Variants in TGFBR3 observed in about 807,000 individuals in gnomAD.
TGFBR3 encodes the protein transforming growth factor beta receptor 3.
TGFBR3 carries 46 observed loss-of-function variants against 87.9 expected under a neutral mutation model. The ratio of observed to expected loss-of-function variants is 0.52; its 90% CI spans 0.41 to 0.67. The LOEUF (loss-of-function observed/expected upper bound fraction) is 0.67, where lower values mean the gene tolerates loss of function less well. Among genes scored for constraint, TGFBR3 ranks in the 30% least tolerant of loss-of-function variants. The pLI, the probability that TGFBR3 is intolerant of heterozygous loss-of-function variation, is 0.00. For synonymous variants in TGFBR3, 381 were observed against 391.6 expected (o/e 0.97, Z 0.32); for missense variants, 866 against 1,041.9 (o/e 0.83, Z 2.32).
chr1:91,729,015 T>G (rs1672649784), intron 6 of TGFBR3, among the ~76,000 whole-genome samples: 1 of 149,394 alleles, frequency 6.7e-6, no homozygotes, highest in Non-Finnish European at 1.5e-5. Context: ...TATGTCACCA[T>G]GAAGGGCCAC....
chr1:91,733,626 G>C (rs1177035298), intron 5 of TGFBR3, among the ~76,000 whole-genome samples: 1 of 152,208 alleles, frequency 6.6e-6, no homozygotes, highest in East Asian at 1.9e-4. Context: ...GGATGCTGAA[G>C]ACCTTAAACG....
At chr1:91,711,910 T>C (rs1671995235) in intron 13 of TGFBR3, among the ~76,000 whole-genome samples, 1 of 152,238 alleles carries the variant, frequency 6.6e-6, no homozygotes, top group Non-Finnish European at 1.5e-5. Context: ...ATTCTCACAA[T>C]GAACTTGTCC....
At chr1:91,845,970 G>C (rs562763461) in intron 2 of TGFBR3, among the ~76,000 whole-genome samples, 1 of 152,306 alleles carries the variant, frequency 6.6e-6, no homozygotes, top group Admixed American at 6.5e-5. Context: ...GTTAATGAAA[G>C]TTAAACAATT....
intron 4 of TGFBR3, among the ~76,000 whole-genome samples, chr1:91,748,725 T>G (rs766813798): frequency 7.2e-5 from 1 of 13,844 alleles, no homozygotes; most frequent in African/African-American, 2.3e-4. Flanking sequence ...CTGGAAAGTA[T>G]TATTATTATT....
At chr1:91,702,986 A>C (rs1207094323) in intron 14 of TGFBR3, among the ~76,000 whole-genome samples, 1 of 152,168 alleles carries the variant, frequency 6.6e-6, no homozygotes, top group Admixed American at 6.5e-5. Flanking sequence ...CGGAGGTTGC[A>C]GTGAGCCGAG....
chr1:91,765,575 G>A (rs1464162697), intron 3 of TGFBR3, among the ~76,000 whole-genome samples: 1 of 152,120 alleles, frequency 6.6e-6, no homozygotes, highest in Non-Finnish European at 1.5e-5. Context: ...CTCTCTGTGT[G>A]TAAGACAGCG....
In TGFBR3 at chr1:91,761,762, G is replaced by GA. The variant is rs577417342; in HGVS notation, c.247-3013dup. 4.7e-4 allele frequency among the ~76,000 whole-genome samples: 68 copies of GA among 143,570 alleles called. No homozygotes were observed. In the South Asian group the frequency reaches 6.8e-3, roughly 14 times the overall value. The allele number at this position is 143,570 out of a possible 152,430, so 94.2% of individuals were successfully genotyped here. On this transcript the variant is annotated intron_variant, in intron 3 of 16. Coordinates refer to ENST00000212355, the MANE Select transcript of TGFBR3 (RefSeq NM_003243.5). ...TGCTCAATTTCTCCCAGGCTTGGGG[G>GA]AAAAAAAAAAAGACAAAAGAAAAGA...
At chr1:91,826,595 G>A (rs1396962065) in intron 2 of TGFBR3, among the ~76,000 whole-genome samples, 2 of 152,150 alleles carry the variant, frequency 1.3e-5, no homozygotes, top group Non-Finnish European at 2.9e-5. Flanking sequence ...CTGTTTGAAG[G>A]AGCAAACCGA....
intron 4 of TGFBR3, among the ~76,000 whole-genome samples, chr1:91,753,323 G>A (rs1236661915): frequency 7.2e-6 from 1 of 138,740 alleles, no homozygotes; most frequent in African/African-American, 2.6e-5. Flanking sequence ...CCAGAAGGTT[G>A]AGGCTACAGT....
chr1:91,751,114 C>A (rs906701591), intron 4 of TGFBR3, among the ~76,000 whole-genome samples: 2 of 152,128 alleles, frequency 1.3e-5, no homozygotes, highest in African/African-American at 4.8e-5. Context: ...TGAACAAGCA[C>A]ATACATAAAC....
rs546840871 is a variant in TGFBR3 at position 91,830,881 on chromosome 1, G to A, written c.61+30590C>T. On this transcript the variant is annotated intron_variant, in intron 2 of 16. Coordinates refer to ENST00000212355, the MANE Select transcript of TGFBR3 (RefSeq NM_003243.5). ...GTGCTGCTTCTGCACCCTGTGTGCC[G>A]ATCAGACGCTTTCTCCCTGTCCCAC... 8.5e-5 allele frequency among the ~76,000 whole-genome samples: 13 copies of A among 152,224 alleles called. No individual in the cohort carries two copies. In the South Asian group the frequency reaches 1.9e-3, roughly 22 times the overall value.
chr1:91,885,558 C>G (rs1354789554), intron 1 of TGFBR3, among the ~76,000 whole-genome samples: 4 of 152,172 alleles, frequency 2.6e-5, no homozygotes, highest in Non-Finnish European at 4.4e-5. Flanking sequence ...CCGCGCCCCG[C>G]AGGGGTCAGA....
chr1:91,751,937 A>C (rs1673554446), intron 4 of TGFBR3, among the ~76,000 whole-genome samples: 1 of 152,248 alleles, frequency 6.6e-6, no homozygotes, highest in South Asian at 2.1e-4. Flanking sequence ...GTACTATCAA[A>C]GAATCACAGA....
intron 4 of TGFBR3, among the ~76,000 whole-genome samples, chr1:91,736,104 C>T (rs1011842499): frequency 1.3e-5 from 2 of 152,158 alleles, no homozygotes; most frequent in Admixed American, 6.5e-5. Context: ...ATTATATAAA[C>T]GTATCTTCTA....
At chr1:91,891,836 G>A (rs191883167) in intron 2 of TGFBR3, among the ~76,000 whole-genome samples, 84 of 152,194 alleles carry the variant, frequency 5.5e-4, no homozygotes, top group African/African-American at 1.7e-3. Context: ...GTTCATACTC[G>A]TTGGTGTTTT....
At chr1:91,777,819 G>C (rs1674621451) in intron 3 of TGFBR3, among the ~76,000 whole-genome samples, 2 of 152,150 alleles carry the variant, frequency 1.3e-5, no homozygotes. Context: ...AGGGCTGCCT[G>C]TCTCCTCACT....
chr1:91,828,240 C>T (rs1676718642), intron 2 of TGFBR3, among the ~76,000 whole-genome samples: 1 of 152,194 alleles, frequency 6.6e-6, no homozygotes, highest in African/African-American at 2.4e-5. Flanking sequence ...GATTCTCCTG[C>T]ACCATGAAGA....
At chr1:91,730,844 G>A (rs192699512) in intron 5 of TGFBR3, among the ~76,000 whole-genome samples, 56 of 152,334 alleles carry the variant, frequency 3.7e-4, no homozygotes, top group Non-Finnish European at 7.2e-4. Context: ...AAGTTTATAT[G>A]GCACTTTACA....
intron 2 of TGFBR3, among the ~76,000 whole-genome samples, 156 bp downstream of exon 2, chr1:91,861,315 G>A (rs377712151): frequency 2.0e-5 from 3 of 152,208 alleles, no homozygotes; most frequent in African/African-American, 4.8e-5. Flanking sequence ...TGGGAGGATC[G>A]CTTAAGCCCA....
Sources: allele counts gnomAD v4.1 joint callset (sites outside exome capture counted in the v4.1 genomes callset), GRCh38; gene constraint gnomAD v4.1.1; transcripts MANE v1.5; gene names NCBI Gene and HGNC (gene_info 2026-07-23, HGNC 2026-07-21).